BCAS3: variants seen among roughly 807,000 people sequenced by gnomAD.
The protein encoded by BCAS3 is BCAS4/BCAS3 fusion.
A neutral mutation model predicts 116.1 loss-of-function variants in BCAS3; 53 were observed. The observed-to-expected ratio is 0.46, with a 90% confidence interval of 0.37 to 0.57. BCAS3 has a LOEUF of 0.57. BCAS3 is among the 20% of genes least tolerant of loss of function. BCAS3 has a pLI of 0.00. For missense variants in BCAS3, 917 were observed against 1,165.4 expected, an observed-to-expected ratio of 0.79 and a Z score of 3.10; for synonymous variants, 391 against 408.2, an observed-to-expected ratio of 0.96 and a Z score of 0.51.
chr17:60,931,266 A>G (rs2059628934), intron 13 of BCAS3, among the ~76,000 whole-genome samples: 1 of 152,010 alleles, frequency 6.6e-6, no homozygotes, highest in Admixed American at 6.6e-5. Flanking sequence ...AAAAATTAAT[A>G]AACTTTATTT....
At chr17:61,014,581 A>G (rs2065317928) in intron 15 of BCAS3, among the ~76,000 whole-genome samples, 1 of 152,130 alleles carries the variant, frequency 6.6e-6, no homozygotes, top group Non-Finnish European at 1.5e-5. Context: ...AACTAAAAAT[A>G]AATCACAGTT....
chr17:60,983,494 A>T (rs2062939418), intron 14 of BCAS3, among the ~76,000 whole-genome samples: 1 of 152,170 alleles, frequency 6.6e-6, no homozygotes, highest in East Asian at 1.9e-4. Flanking sequence ...TAGTATCTTT[A>T]GCAGTCCTTC....
intron 5 of BCAS3, among the ~76,000 whole-genome samples, chr17:60,732,942 A>G (rs922712011): frequency 1.3e-5 from 2 of 152,256 alleles, no homozygotes; most frequent in Non-Finnish European, 2.9e-5. Context: ...TATTAATAGC[A>G]TGATTTGAGA....
chr17:61,389,801 C>T (rs562777996), intron 23 of BCAS3: 6 of 152,168 alleles, frequency 3.9e-5, no homozygotes, highest in African/African-American at 9.7e-5. Context: ...TCCACGAAGA[C>T]TCATTGGTGG....
At chr17:60,935,045 TCCCAGC>T (rs2059847028) in intron 13 of BCAS3, among the ~76,000 whole-genome samples, 2 of 152,038 alleles carry the variant, frequency 1.3e-5, no homozygotes, top group Non-Finnish European at 2.9e-5. Flanking sequence ...GTAGCTGTAA[TCCCAGC>T]TACTTGGGAG....
At chr17:61,092,216 G>A (rs1357021907) in intron 22 of BCAS3, among the ~76,000 whole-genome samples, 3 of 152,138 alleles carry the variant, frequency 2.0e-5, no homozygotes, top group Admixed American at 6.5e-5. Context: ...GCAGTGTAGT[G>A]TTCCATTCTT....
At chr17:60,789,626 T>A (rs2046582111) in intron 6 of BCAS3, among the ~76,000 whole-genome samples, 3 of 152,222 alleles carry the variant, frequency 2.0e-5, no homozygotes, top group Non-Finnish European at 4.4e-5. Context: ...ATCATCATGG[T>A]ACATTCTGTT....
chr17:60,755,003 C>T (rs1486589853), intron 6 of BCAS3, among the ~76,000 whole-genome samples: 2 of 152,118 alleles, frequency 1.3e-5, no homozygotes, highest in Non-Finnish European at 2.9e-5. Flanking sequence ...CAATATTTTG[C>T]TAAGCCTGTG....
chr17:60,685,527 G>C (rs2033898831), intron 3 of BCAS3, among the ~76,000 whole-genome samples: 1 of 150,548 alleles, frequency 6.6e-6, no homozygotes, highest in African/African-American at 2.4e-5. Context: ...CATCTTACTA[G>C]TTTCAGACAA....
intron 10 of BCAS3, among the ~76,000 whole-genome samples, chr17:60,897,960 G>C (rs1244983915): frequency 6.7e-6 from 1 of 150,240 alleles, no homozygotes; most frequent in African/African-American, 2.4e-5. Flanking sequence ...AACTGGTCTT[G>C]AACTTCTGGG....
intron 22 of BCAS3, among the ~76,000 whole-genome samples, chr17:61,320,312 G>A (rs1408579739): frequency 6.6e-6 from 1 of 152,006 alleles, no homozygotes; most frequent in Non-Finnish European, 1.5e-5. Context: ...CTAGACAGTG[G>A]CACTATGAAC....
intron 22 of BCAS3, among the ~76,000 whole-genome samples, chr17:61,283,614 T>C (rs1442230024): frequency 2.6e-5 from 4 of 151,986 alleles, no homozygotes; most frequent in Non-Finnish European, 5.9e-5. Flanking sequence ...CCACCATGCC[T>C]GGCTAATTTT....
At position 61,132,947 on chromosome 17, in the gene BCAS3, A is replaced by G. The variant is rs2143880924; in HGVS notation, c.2425+48383A>G. ...TGTGGTTTCTGATCCAATCAAGTGG[A>G]TTCCTTTTCTTGGAGAAAGTCTCAC... On this transcript the variant is annotated intron_variant, in intron 22 of 23. Transcript: ENST00000407086. The surrounding 1 kb of genome is among the most constrained non-coding windows in gnomAD (Gnocchi z 5.1). Among the ~76,000 whole-genome samples, 1 of 152,306 alleles carries G rather than the reference A, an allele frequency of 6.6e-6. No individual in the cohort carries two copies. Among genetic ancestry groups the G allele is most frequent in the South Asian group, 2.1e-4 (1 of 4,824 alleles).
intron 5 of BCAS3, among the ~76,000 whole-genome samples, chr17:60,714,137 T>A (rs2038271493): frequency 6.6e-6 from 1 of 152,084 alleles, no homozygotes; most frequent in South Asian, 2.1e-4. Context: ...GTGCCTGGCC[T>A]GCTTTTTAAA....
At chr17:60,857,910 G>A (rs757570361) in intron 7 of BCAS3, among the ~76,000 whole-genome samples, 2 of 151,906 alleles carry the variant, frequency 1.3e-5, no homozygotes, top group Non-Finnish European at 2.9e-5. Flanking sequence ...CGTAACATTT[G>A]TTTTGTCTGT....
intron 13 of BCAS3, among the ~76,000 whole-genome samples, chr17:60,944,893 T>G (rs1041044219): frequency 6.6e-6 from 1 of 152,160 alleles, no homozygotes; most frequent in Non-Finnish European, 1.5e-5. Flanking sequence ...AATGTTATAC[T>G]TAAAGATTGA....
In BCAS3 at chr17:61,392,184, C is replaced by T. The variant is rs796275512; in HGVS notation, c.*59C>T. Reference sequence around the variant, plus strand: ...CTCCCCTGCTGGAGGAGGGGAGAAGCCCCGCTCTGGTCCTACCCTTCAGTC... The same window carrying T: ...CTCCCCTGCTGGAGGAGGGGAGAAGTCCCGCTCTGGTCCTACCCTTCAGTC... On this transcript the variant is annotated 3_prime_UTR_variant, in exon 24 of 24. Transcript: ENST00000407086. The surrounding 1 kb of genome is among the most constrained non-coding windows in gnomAD (Gnocchi z 6.4). The T allele has an allele frequency of 1.3e-5, 20 of 1,570,186 alleles. No homozygotes were observed. In the African/African-American group the frequency reaches 2.0e-4, roughly 16 times the overall value.
intron 14 of BCAS3, among the ~76,000 whole-genome samples, chr17:60,949,489 C>T (rs1362919265): frequency 1.3e-5 from 2 of 152,000 alleles, no homozygotes; most frequent in Admixed American, 1.3e-4. Context: ...TTGCCCAGGC[C>T]AGTCTCAACC....
intron 22 of BCAS3, among the ~76,000 whole-genome samples, chr17:61,266,260 A>G (rs72834614): frequency 2.2e-3 from 332 of 152,328 alleles, no homozygotes; most frequent in African/African-American, 3.5e-3. Flanking sequence ...AAAACATGCA[A>G]TGCTAAGAAG....
Sources: gnomAD v4.1 joint callset for allele counts (sites outside exome capture counted in the v4.1 genomes callset) on GRCh38, gnomAD v4.1.1 for gene constraint, Gnocchi (gnomAD v3.1) non-coding constraint, MANE v1.5 for transcripts, NCBI Gene and HGNC (gene_info 2026-07-23, HGNC 2026-07-21) for gene names.